Variants in UBAP2 observed in about 807,000 individuals in gnomAD.
The protein encoded by UBAP2 is ubiquitin associated protein 2, also known as ubiquitin-associated protein 2.
Under a neutral mutation model 139.6 loss-of-function variants are expected in UBAP2, and 75 were observed. That is an observed-to-expected ratio of 0.54 (90% CI 0.45 to 0.65). UBAP2 has a LOEUF of 0.65. Among genes scored for constraint, UBAP2 ranks in the 30% least tolerant of loss-of-function variants. The probability of loss-of-function intolerance (pLI) is 0.00; values close to 1 mark genes in which losing one functional copy is unlikely to be tolerated. For missense variants in UBAP2, 1,368 were observed against 1,369.6 expected (o/e 1.00, Z 0.02); for synonymous variants, 526 against 526.2 (o/e 1.00, Z 0.01).
intron 1 of UBAP2, among the ~76,000 whole-genome samples, chr9:34,019,402 G>A (rs939881691): frequency 6.6e-6 from 1 of 151,918 alleles, no homozygotes; most frequent in African/African-American, 2.4e-5. Flanking sequence ...AACTCTCGGG[G>A]CAAGGGGTAA....
chr9:34,028,289 G>A (rs1016160401), intron 1 of UBAP2, among the ~76,000 whole-genome samples: 1 of 151,942 alleles, frequency 6.6e-6, no homozygotes, highest in Non-Finnish European at 1.5e-5. Context: ...GCCACGAAGG[G>A]AATTAATTGC....
intron 11 of UBAP2, among the ~76,000 whole-genome samples, chr9:33,955,371 T>C (rs1199031791): frequency 2.0e-5 from 3 of 151,360 alleles, no homozygotes; most frequent in Non-Finnish European, 2.9e-5. Flanking sequence ...ATACAAAAAT[T>C]AGCCGGGCGT....
intron 1 of UBAP2, among the ~76,000 whole-genome samples, chr9:34,038,518 C>T (rs1166164122): frequency 6.6e-6 from 1 of 152,204 alleles, no homozygotes; most frequent in Non-Finnish European, 1.5e-5. Context: ...CTGCTAACCG[C>T]GAGTGATCTG....
intron 5 of UBAP2, 143 bp downstream of exon 5, chr9:33,988,830 A>G (rs1821428802): frequency 1.1e-6 from 1 of 878,994 alleles, no homozygotes; most frequent in African/African-American, 1.7e-5. Context: ...TCAGTCGTTC[A>G]GAATGTATGG....
chr9:34,004,064 A>G (rs1822965269), intron 2 of UBAP2, among the ~76,000 whole-genome samples: 1 of 152,144 alleles, frequency 6.6e-6, no homozygotes. Flanking sequence ...GTAAAACTAT[A>G]GGGTCAAAGA....
chr9:33,979,663 A>ACT (rs1820466150), intron 6 of UBAP2, among the ~76,000 whole-genome samples: 1 of 152,120 alleles, frequency 6.6e-6, no homozygotes, highest in African/African-American at 2.4e-5. Flanking sequence ...CGGGCAGATC[A>ACT]TGAGGTCAAG....
At chr9:34,011,402 C>T (rs1823739289) in intron 2 of UBAP2, among the ~76,000 whole-genome samples, 1 of 152,086 alleles carries the variant, frequency 6.6e-6, no homozygotes, top group South Asian at 2.1e-4. Flanking sequence ...AGACAGACTA[C>T]TTCTGAAAGC....
chr9:34,036,808 T>C (rs895151883), intron 1 of UBAP2, among the ~76,000 whole-genome samples: 2 of 108,702 alleles, frequency 1.8e-5, no homozygotes, highest in African/African-American at 8.7e-5. Flanking sequence ...GTTTTTCTCT[T>C]TTTTTTTTTT....
intron 17 of UBAP2, chr9:33,935,492 C>T (rs1824416416): frequency 3.4e-6 from 1 of 291,664 alleles, no homozygotes; most frequent in East Asian, 9.7e-5. Flanking sequence ...GTCTCAAACT[C>T]CTGAGCTTGG....
intron 6 of UBAP2, among the ~76,000 whole-genome samples, chr9:33,985,998 G>C (rs183145862): frequency 1.3e-5 from 2 of 152,182 alleles, no homozygotes; most frequent in Non-Finnish European, 2.9e-5. Context: ...TCCAGCCTGG[G>C]TGACAAAGTA....
intron 1 of UBAP2, among the ~76,000 whole-genome samples, chr9:34,032,520 T>G (rs1825972790): frequency 6.6e-6 from 1 of 152,138 alleles, no homozygotes; most frequent in African/African-American, 2.4e-5. Context: ...AAGGAAGATA[T>G]CAAAATATAG....
At chr9:33,942,813 C>A (rs573719880) in intron 15 of UBAP2, among the ~76,000 whole-genome samples, 5 of 152,172 alleles carry the variant, frequency 3.3e-5, no homozygotes, top group Non-Finnish European at 5.9e-5. Flanking sequence ...ATGACTGCTG[C>A]AAACATGTGG....
chr9:33,931,928 C>T (rs1045619226), intron 19 of UBAP2, among the ~76,000 whole-genome samples: 17 of 152,106 alleles, frequency 1.1e-4, no homozygotes, highest in Non-Finnish European at 8.8e-5. Flanking sequence ...AGGCTCCAGC[C>T]TCTCTTAAGT....
chr9:34,046,871 TAA>T (rs1368153145), intron 1 of UBAP2, among the ~76,000 whole-genome samples: 1 of 152,054 alleles, frequency 6.6e-6, no homozygotes, highest in East Asian at 1.9e-4. Flanking sequence ...AGGCTAATAC[TAA>T]GAGAGACACT....
At chr9:34,018,257 G>A (rs1182832163) in intron 1 of UBAP2, among the ~76,000 whole-genome samples, 4 of 145,884 alleles carry the variant, frequency 2.7e-5, no homozygotes, top group Non-Finnish European at 3.0e-5. Flanking sequence ...AGACAGAAGA[G>A]CCGGGAATTT....
At chr9:34,014,348 AG>A (rs1824057261) in intron 2 of UBAP2, among the ~76,000 whole-genome samples, 1 of 138,384 alleles carries the variant, frequency 7.2e-6, no homozygotes, top group South Asian at 2.2e-4. Context: ...AAAAAAAAAA[AG>A]GTCAGGTGCG....
chr9:33,951,935 C>T (rs756242174), intron 12 of UBAP2, among the ~76,000 whole-genome samples: 1 of 152,152 alleles, frequency 6.6e-6, no homozygotes, highest in Non-Finnish European at 1.5e-5. Flanking sequence ...ATTAGGCCTT[C>T]TCAAAATAGA....
intron 1 of UBAP2, among the ~76,000 whole-genome samples, chr9:34,027,212 G>A (rs1825472554): frequency 6.6e-6 from 1 of 152,100 alleles, no homozygotes; most frequent in African/African-American, 2.4e-5. Context: ...CAGGTACGGT[G>A]GCTCACACCT....
chr9:34,016,428 A>G lies in UBAP2; in HGVS notation c.99+622T>C, dbSNP rs1226044232. 2.0e-5 allele frequency among the ~76,000 whole-genome samples: 3 copies of G among 147,386 alleles called. No individual in the cohort carries two copies. In the South Asian group the frequency reaches 6.5e-4, roughly 32 times the overall value. The stretch of plus-strand genomic sequence containing the variant: ...TGGTGGTGGTGGCAGTGGCAGCCTA[A>G]TAGCTAAGAGGTACCTGGAAAAGGT... On this transcript the variant is annotated intron_variant, in intron 2 of 28. Coordinates refer to ENST00000379238, the MANE Select transcript of UBAP2 (RefSeq NM_001370062.2).
Sources: gnomAD v4.1 joint callset for allele counts (sites outside exome capture counted in the v4.1 genomes callset) on GRCh38, gnomAD v4.1.1 for gene constraint, MANE v1.5 for transcripts, NCBI Gene and HGNC (gene_info 2026-07-23, HGNC 2026-07-21) for gene names.